Variants in SCEL observed in about 807,000 individuals in gnomAD.
SCEL encodes sciellin.
SCEL carries 113 observed loss-of-function variants against 117.6 expected under a neutral mutation model. The observed-to-expected ratio is 0.96, with a 90% confidence interval of 0.83 to 1.12. The LOEUF (loss-of-function observed/expected upper bound fraction) is 1.12. Among genes scored for constraint, SCEL ranks in the 50% most tolerant of loss-of-function variants. The pLI, the probability that SCEL is intolerant of heterozygous loss-of-function variation, is 0.00. For missense variants in SCEL, 785 were observed against 810.8 expected, an observed-to-expected ratio of 0.97 and a Z score of 0.39; for synonymous variants, 270 against 256.2, an observed-to-expected ratio of 1.05 and a Z score of -0.51.
chr13:77,561,895 C>A lies in SCEL; in HGVS notation c.222-1936C>A, dbSNP rs983189301. 1.0e-3 allele frequency among the ~76,000 whole-genome samples: 155 copies of A among 152,276 alleles called. 3 individuals carry two copies. Among genetic ancestry groups the A allele is most frequent in the Non-Finnish European group, 2.2e-4 (15 of 68,030 alleles). On this transcript the variant is annotated intron_variant, in intron 4 of 32. Transcript: ENST00000349847. Reference sequence around the variant, plus strand: ...TGGGCATGGAGCAAGGAAAGAAGCACTTCCAGCAGAGATGACAATGTGTGC... The same window carrying A: ...TGGGCATGGAGCAAGGAAAGAAGCAATTCCAGCAGAGATGACAATGTGTGC...
chr13:77,641,585 C>T (rs1270157490), intron 31 of SCEL, among the ~76,000 whole-genome samples: 5 of 152,068 alleles, frequency 3.3e-5, no homozygotes, highest in African/African-American at 9.7e-5. Context: ...ATAGAATGAT[C>T]GGGACCAGCC....
At chr13:77,599,633 C>G (rs765831019) in intron 14 of SCEL, 56 bp from the exon 15 acceptor site, 95 of 1,270,208 alleles carry the variant, frequency 7.5e-5, no homozygotes, top group Non-Finnish European at 1.0e-4. Flanking sequence ...TTTCAAGATA[C>G]CACACAATTT....
At chr13:77,626,228 C>G (rs1291448070) in intron 27 of SCEL, among the ~76,000 whole-genome samples, 1 of 152,104 alleles carries the variant, frequency 6.6e-6, no homozygotes, top group Non-Finnish European at 1.5e-5. Flanking sequence ...CATCAGATCT[C>G]TTAGGACTTG....
intron 24 of SCEL, among the ~76,000 whole-genome samples, chr13:77,616,730 TA>T (rs1199898237): frequency 7.0e-6 from 1 of 141,908 alleles, no homozygotes; most frequent in African/African-American, 2.7e-5. Context: ...TTTTGGTCCC[TA>T]AACTTGCATC....
intron 15 of SCEL, among the ~76,000 whole-genome samples, chr13:77,600,677 T>A (rs1022945257): frequency 1.3e-5 from 2 of 152,166 alleles, no homozygotes; most frequent in Admixed American, 1.3e-4. Context: ...TGATATTATT[T>A]TTCTTGTTGA....
intron 2 of SCEL, among the ~76,000 whole-genome samples, chr13:77,556,203 A>G (rs2084647324): frequency 6.6e-6 from 1 of 152,160 alleles, no homozygotes; most frequent in Admixed American, 6.5e-5. Flanking sequence ...GAATCAAATG[A>G]CCAGGACTTA....
chr13:77,573,411 G>T (rs1182281571), intron 9 of SCEL, among the ~76,000 whole-genome samples: 6 of 152,140 alleles, frequency 3.9e-5, no homozygotes, highest in African/African-American at 1.4e-4. Flanking sequence ...TATTGGAAAA[G>T]AAAATATTTT....
At chr13:77,563,797 A>AC (rs376803799) in intron 4 of SCEL, 34 bp from the exon 5 acceptor site, 7 of 1,232,464 alleles carry the variant, frequency 5.7e-6, no homozygotes, top group African/African-American at 3.2e-5. Context: ...AATTGATTTG[A>AC]TTTTTTTTTT....
Position 77,569,190 on chromosome 13 carries a change from G to T in SCEL, c.399-181G>T, listed in dbSNP as rs112439701. On this transcript the variant is annotated intron_variant, in intron 7 of 32. Coordinates refer to ENST00000349847, the MANE Select transcript of SCEL (RefSeq NM_144777.3). ...GTTTTAGCTAGTTCTATGAGAACCT[G>T]ACAACTTCTAAAATATGTCAACTAA... is the stretch of plus-strand genomic sequence containing the variant. Among the ~76,000 whole-genome samples, 801 of 152,296 alleles carry T rather than the reference G, an allele frequency of 5.3e-3. 10 individuals carry two copies. Among genetic ancestry groups the T allele is most frequent in the African/African-American group, 0.018 (763 of 41,552 alleles).
chr13:77,634,834 A>G (rs1024991838), intron 29 of SCEL, among the ~76,000 whole-genome samples: 3 of 152,210 alleles, frequency 2.0e-5, no homozygotes, highest in Admixed American at 1.3e-4. Context: ...TTTACTGCCA[A>G]TCTAAAATAA....
At chr13:77,616,663 G>A (rs1037150912) in intron 24 of SCEL, among the ~76,000 whole-genome samples, 3 of 150,924 alleles carry the variant, frequency 2.0e-5, no homozygotes, top group Non-Finnish European at 2.9e-5. Flanking sequence ...GAAGGCTGGG[G>A]AAGAAAATGC....
chr13:77,545,422 A>G (rs1325521151), intron 1 of SCEL, among the ~76,000 whole-genome samples: 4 of 152,236 alleles, frequency 2.6e-5, no homozygotes, highest in Admixed American at 2.6e-4. Context: ...TAATACTACC[A>G]GTTTGAGAGA....
intron 27 of SCEL, among the ~76,000 whole-genome samples, chr13:77,624,171 C>T (rs551001269): frequency 4.2e-5 from 6 of 141,766 alleles, no homozygotes; most frequent in African/African-American, 1.6e-4. Context: ...ATGGTGGGAT[C>T]TCGACTGACT....
At position 77,591,444 on chromosome 13, in the gene SCEL, G is replaced by A. The variant is rs780697649; in HGVS notation, c.676G>A (p.Ala226Thr). The A allele has an allele frequency of 2.7e-5, 42 of 1,573,556 alleles. No homozygotes were observed. Among genetic ancestry groups the A allele is most frequent in the South Asian group, 1.9e-4 (17 of 89,672 alleles). The change falls in exon 11 of 33, where the codon GCT becomes ACT. Residue 226 changes from alanine (A) to threonine (T), a missense_variant. Physicochemically the swap from Ala to Thr is moderately conservative, Grantham distance 58. Transcript: ENST00000349847. ...PGVYTETNRS[A>T]ERNIRSQDLD... ...TGTATATACAGAAACCAACAGATCTGCTGAAAGAAATATAAGGTACACTGA... is the reference window on the plus strand; with the variant it reads ...TGTATATACAGAAACCAACAGATCTACTGAAAGAAATATAAGGTACACTGA...
At chr13:77,540,221 G>A (rs2083631165) in intron 1 of SCEL, among the ~76,000 whole-genome samples, 1 of 152,170 alleles carries the variant, frequency 6.6e-6, no homozygotes, top group African/African-American at 2.4e-5. Context: ...CCTCATGTTT[G>A]TTCAACAAAT....
Position 77,642,776 on chromosome 13 carries a change from T to A in SCEL, c.2018T>A (p.Ile673Lys). 1.2e-6 allele frequency: 2 copies of A among 1,605,342 alleles called. No individual in the cohort carries two copies. The highest frequency in any genetic ancestry group is 1.7e-5 in the Admixed American group (1 of 58,520). Residue 673 changes from isoleucine (I) to lysine (K), a missense_variant, in exon 32 of 33, where the codon ATA (isoleucine) becomes AAA (lysine). Coordinates refer to ENST00000349847, the MANE Select transcript of SCEL (RefSeq NM_144777.3). ...AGTATTTGGATTTATAGACAGACAA[T>A]ACACTGTGAACCTTGCTACTCTAAA... Reference protein sequence around the residue: ...GDSIWIYRQTIHCEPCYSKIM... With the variant: ...GDSIWIYRQTKHCEPCYSKIM...
At chr13:77,644,208 G>A in intron 32 of SCEL, 50 bp from the exon 33 acceptor site, 3 of 1,604,880 alleles carry the variant, frequency 1.9e-6, no homozygotes, top group Non-Finnish European at 2.6e-6. Context: ...TTTTAATGAT[G>A]AGCTTGTTTC....
At position 77,563,788 on chromosome 13, in the gene SCEL, A is replaced by G. The variant is rs374094044; in HGVS notation, c.222-43A>G. The stretch of plus-strand genomic sequence containing the variant: ...AGGTTTTATAAACTTTTTTTTTGTA[A>G]TTGATTTGATTTTTTTTTTTTTGGT... On this transcript the variant is annotated intron_variant, in intron 4 of 32. Transcript: ENST00000349847. The G allele has an allele frequency of 2.7e-6, 4 of 1,459,044 alleles. No individual in the cohort carries two copies. In the African/African-American group the frequency reaches 5.8e-5, roughly 21 times the overall value. The allele number at this position is 1,459,044 out of a possible 1,614,324, so 90.4% of individuals were successfully genotyped here.
chr13:77,601,604 C>A (rs1315298787), intron 15 of SCEL, among the ~76,000 whole-genome samples: 2 of 152,202 alleles, frequency 1.3e-5, no homozygotes, highest in Non-Finnish European at 2.9e-5. Flanking sequence ...AAGGTGACTT[C>A]AGACCCTTTA....
Sources: allele counts gnomAD v4.1 joint callset (sites outside exome capture counted in the v4.1 genomes callset), GRCh38; gene constraint gnomAD v4.1.1; transcripts MANE v1.5; gene names NCBI Gene and HGNC (gene_info 2026-07-23, HGNC 2026-07-21).